The following OPHN1 variants were observed in gnomAD, a reference collection of about 807,000 sequenced individuals.
OPHN1 encodes the protein oligophrenin-1.
Under a neutral mutation model 60.7 loss-of-function variants are expected in OPHN1, and 11 were observed. That is an observed-to-expected ratio of 0.18 (90% confidence interval 0.11 to 0.30). OPHN1 has a LOEUF of 0.30. Among genes scored for constraint, OPHN1 ranks in the 10% least tolerant of loss-of-function variants. The pLI is 1.00. For missense variants in OPHN1, 449 were observed against 611.0 expected (o/e 0.73, Z 2.80); for synonymous variants, 226 against 222.6 (o/e 1.02, Z -0.14).
At chrX:68,202,176 G>A (rs1449391135) in intron 10 of OPHN1, among the ~76,000 whole-genome samples, 10 of 111,087 alleles carry the variant, frequency 9.0e-5, no homozygotes, top group African/African-American at 3.3e-4. Flanking sequence ...GATGAAGGAG[G>A]GAGAAAAACA....
intron 15 of OPHN1, among the ~76,000 whole-genome samples, chrX:68,128,728 C>T (rs2077181945): frequency 9.0e-6 from 1 of 111,675 alleles, no homozygotes; most frequent in Non-Finnish European, 1.9e-5. Context: ...TAAAATAATT[C>T]TAAAGTTTAC....
chrX:68,298,151 A>C (rs2078103991), intron 3 of OPHN1, among the ~76,000 whole-genome samples: 1 of 111,569 alleles, frequency 9.0e-6, no homozygotes, highest in Non-Finnish European at 1.9e-5. Flanking sequence ...AATGCTCTAC[A>C]CTAACCCTTT....
intron 18 of OPHN1, among the ~76,000 whole-genome samples, chrX:68,110,861 G>T (rs2077101010): frequency 9.0e-6 from 1 of 111,631 alleles, no homozygotes; most frequent in Non-Finnish European, 1.9e-5. Context: ...AGTCAGAGCT[G>T]AATCAGATCT....
At chrX:68,371,732 G>C (rs920896826) in intron 2 of OPHN1, among the ~76,000 whole-genome samples, 36 of 111,201 alleles carry the variant, frequency 3.2e-4, no homozygotes, top group African/African-American at 1.2e-3. Context: ...ATGTATCCCC[G>C]TTTTTTGTTT....
chrX:68,225,699 T>A (rs1180912508), intron 6 of OPHN1, among the ~76,000 whole-genome samples: 1 of 111,889 alleles, frequency 8.9e-6, no homozygotes, highest in Non-Finnish European at 1.9e-5. Context: ...AGAAAGGACA[T>A]CCACACCAAA....
intron 2 of OPHN1, among the ~76,000 whole-genome samples, chrX:68,364,004 C>T (rs912541736): frequency 5.4e-5 from 6 of 111,571 alleles, no homozygotes; most frequent in Admixed American, 3.8e-4. Flanking sequence ...CAAGAAGAGC[C>T]CAAAGAATTC....
intron 2 of OPHN1, among the ~76,000 whole-genome samples, chrX:68,357,328 T>A (rs919087979): frequency 2.3e-4 from 26 of 111,615 alleles, no homozygotes; most frequent in Non-Finnish European, 4.1e-4. Context: ...TGTATACATG[T>A]GCCATGTTGG....
chrX:68,217,495 G>C (rs1485579378), intron 6 of OPHN1, among the ~76,000 whole-genome samples: 2 of 111,455 alleles, frequency 1.8e-5, no homozygotes, highest in African/African-American at 6.5e-5. Context: ...CAAACAAAAA[G>C]ACAGCAGTAA....
At chrX:68,233,364 T>C (rs920068435) in intron 6 of OPHN1, among the ~76,000 whole-genome samples, 1 of 112,441 alleles carries the variant, frequency 8.9e-6, no homozygotes, top group African/African-American at 3.2e-5. Flanking sequence ...CTCCTGCCTA[T>C]GATATTATTC....
At chrX:68,087,649 G>A (rs1037814214) in intron 19 of OPHN1, among the ~76,000 whole-genome samples, 1 of 111,826 alleles carries the variant, frequency 8.9e-6, no homozygotes. Context: ...TCCAGATGTC[G>A]CTTCAGGGCT....
chrX:68,388,415 G>A lies in OPHN1; in HGVS notation c.154+44452C>T, dbSNP rs943188410. On this transcript the variant is annotated intron_variant, in intron 2 of 24. Transcript: ENST00000355520. ...GCAGAGGTTGCAGTGAGCCGAGATC[G>A]CCCCACTGCACCCCCGACTGGGTGA... Among the ~76,000 whole-genome samples the A allele has an allele frequency of 9.6e-4, 100 of 104,005 alleles. 1 individual carries two copies. The highest frequency in any genetic ancestry group is 3.1e-3 in the African/African-American group (88 of 28,337). 90.3% of individuals were successfully genotyped at this position (104,005 alleles called of 115,157 possible).
At chrX:68,317,514 A>G (rs1337616166) in intron 2 of OPHN1, among the ~76,000 whole-genome samples, 5 of 66,867 alleles carry the variant, frequency 7.5e-5, no homozygotes, top group Admixed American at 3.2e-4. Flanking sequence ...AGGGAAAGAG[A>G]GAGAGAAAGA....
At chrX:68,270,821 G>A (rs997011929) in intron 5 of OPHN1, among the ~76,000 whole-genome samples, 6 of 111,543 alleles carry the variant, frequency 5.4e-5, no homozygotes, top group Non-Finnish European at 1.1e-4. Flanking sequence ...CATGAGCCAT[G>A]AGAAAACTAA....
intron 15 of OPHN1, among the ~76,000 whole-genome samples, chrX:68,153,491 A>T (rs1174822549): frequency 8.9e-6 from 1 of 111,816 alleles, no homozygotes; most frequent in Non-Finnish European, 1.9e-5. Context: ...ATATGACTGA[A>T]TACCTTCTTT....
chrX:68,189,368 T>G (rs1221051079), intron 15 of OPHN1, among the ~76,000 whole-genome samples: 1 of 112,076 alleles, frequency 8.9e-6, no homozygotes, highest in Non-Finnish European at 1.9e-5. Context: ...TTAATTTTTT[T>G]TTTATACTTT....
chrX:68,283,113 T>C lies in OPHN1; in HGVS notation c.255A>G (p.Glu85=). 1 of 1,198,217 alleles carries C rather than the reference T, an allele frequency of 8.3e-7. No homozygotes were observed. The highest frequency in any genetic ancestry group is 1.1e-6 in the Non-Finnish European group (1 of 883,527). The change falls in exon 4 of 25, where the codon GAA becomes GAG. Residue 85 remains glutamate (E), a synonymous_variant. Transcript: ENST00000355520. ...GCAATTCAGCAAATTCCTTGAAGGA[T>C]TCAGCTGGAAGGAGAGAATCAAATG... ...TLTDDEINIA[E]SFKEFAELLN...
chrX:68,172,528 G>A (rs372104870), intron 15 of OPHN1, among the ~76,000 whole-genome samples: 4 of 111,238 alleles, frequency 3.6e-5, no homozygotes, highest in Non-Finnish European at 7.5e-5. Context: ...TTCTATGACA[G>A]ATTTATCATA....
At chrX:68,211,650 G>A (rs763241299) in intron 8 of OPHN1, among the ~76,000 whole-genome samples, 1 of 112,399 alleles carries the variant, frequency 8.9e-6, no homozygotes, top group African/African-American at 3.2e-5. Flanking sequence ...GACAAAGAAG[G>A]TAGAGAAAAC....
chrX:68,055,166 T>C (rs1035746977), intron 21 of OPHN1, among the ~76,000 whole-genome samples: 1 of 111,877 alleles, frequency 8.9e-6, no homozygotes. Flanking sequence ...AGGCAAACCC[T>C]TGACTCTTAC....
Sources: allele counts gnomAD v4.1 joint callset (sites outside exome capture counted in the v4.1 genomes callset), GRCh38; gene constraint gnomAD v4.1.1; transcripts MANE v1.5; gene names NCBI Gene and HGNC (gene_info 2026-07-23, HGNC 2026-07-21).